Variants in DNAJC24 observed in about 807,000 individuals in gnomAD.
DNAJC24 encodes dnaJ homolog subfamily C member 24.
In DNAJC24, 17 loss-of-function variants were observed where a neutral mutation model predicts 18.0. The ratio of observed to expected loss-of-function variants is 0.94; its 90% CI spans 0.65 to 1.42. The LOEUF is 1.42. DNAJC24 is among the 40% of genes most tolerant of loss of function. The probability of loss-of-function intolerance (pLI) is 0.00; values close to 1 mark genes in which losing one functional copy is unlikely to be tolerated. For missense variants in DNAJC24, 158 were observed against 175.6 expected (o/e 0.90, Z 0.57); for synonymous variants, 55 against 57.7 (o/e 0.95, Z 0.21).
Position 31,430,919 on chromosome 11 carries a change from A to G in DNAJC24, c.*518A>G, listed in dbSNP as rs1952916395. 6.6e-6 allele frequency: 1 copy of G among 152,580 alleles called. No homozygotes were observed. The highest frequency in any genetic ancestry group is 2.4e-5 in the African/African-American group (1 of 41,464). 9.5% of individuals were successfully genotyped at this position (152,580 alleles called of 1,614,324 possible). On this transcript the variant is annotated 3_prime_UTR_variant, in exon 5 of 5. Transcript: ENST00000465995. ...CAAAGTTAATAAAGACAAAGTGGCAACTGTAGAAAGTGTTGCCTCCAATCT... is the reference window on the plus strand; with the variant it reads ...CAAAGTTAATAAAGACAAAGTGGCAGCTGTAGAAAGTGTTGCCTCCAATCT...
At chr11:31,391,525 A>C (rs1449056017) in intron 2 of DNAJC24, among the ~76,000 whole-genome samples, 1 of 152,256 alleles carries the variant, frequency 6.6e-6, no homozygotes, top group East Asian at 1.9e-4. Flanking sequence ...ATCATTGATC[A>C]TCAGTGAAAT....
rs1952907191 is a variant in DNAJC24 at position 31,430,302 on chromosome 11, T to C, written c.351T>C (p.Cys117=). 2 of 1,610,822 alleles carry C rather than the reference T, an allele frequency of 1.2e-6. No homozygotes were observed. The highest frequency in any genetic ancestry group is 2.2e-5 in the South Asian group (2 of 90,648). ...ACTCTTTTTATCTGAGTTGCAGATG[T>C]GGTGGAAAATACAGTGTTTCCAAGG... ...GDHSFYLSCR[C]GGKYSVSKDE... The change falls in exon 5 of 5, where the codon TGT becomes TGC. Residue 117 remains cysteine (C), a synonymous_variant. Coordinates refer to ENST00000465995, the MANE Select transcript of DNAJC24 (RefSeq NM_181706.5).
At chr11:31,418,200 T>A (rs570612387) in intron 3 of DNAJC24, among the ~76,000 whole-genome samples, 1 of 152,258 alleles carries the variant, frequency 6.6e-6, no homozygotes, top group South Asian at 2.1e-4. Flanking sequence ...AGTGTTCCCC[T>A]GAAAGGCATG....
At chr11:31,402,214 C>G (rs952981690) in intron 2 of DNAJC24, among the ~76,000 whole-genome samples, 1 of 152,090 alleles carries the variant, frequency 6.6e-6, no homozygotes, top group Non-Finnish European at 1.5e-5. Context: ...AGTTGTAACA[C>G]AGTGGTATTT....
chr11:31,381,028 A>G lies in DNAJC24; in HGVS notation c.111+10169A>G, dbSNP rs551228586. On this transcript the variant is annotated intron_variant, in intron 2 of 4. Coordinates refer to ENST00000465995, the MANE Select transcript of DNAJC24 (RefSeq NM_181706.5). ...CTTTCAACCAAAATGTTTTGTAAGA[A>G]GTCTGATTAGTGCATTTGGGTATGT... Among the ~76,000 whole-genome samples the G allele has an allele frequency of 3.3e-5, 5 of 152,280 alleles. No homozygotes were observed. The South Asian group carries it at 1.0e-3, about 32-fold the overall frequency.
intron 2 of DNAJC24, among the ~76,000 whole-genome samples, chr11:31,371,443 T>C (rs1250861697): frequency 1.3e-5 from 2 of 152,238 alleles, no homozygotes; most frequent in Non-Finnish European, 2.9e-5. Context: ...CTAATTTTCA[T>C]ATCTAGCATT....
At chr11:31,390,849 T>G (rs999707480) in intron 2 of DNAJC24, among the ~76,000 whole-genome samples, 4 of 152,018 alleles carry the variant, frequency 2.6e-5, no homozygotes, top group Non-Finnish European at 5.9e-5. Flanking sequence ...GAGAAAATAC[T>G]TCAAAATTCG....
In DNAJC24 at chr11:31,432,393, A is replaced by T; in HGVS notation, c.*1992A>T. 1 of 736,292 alleles carries T rather than the reference A, an allele frequency of 1.4e-6. No homozygotes were observed. Among genetic ancestry groups the T allele is most frequent in the Admixed American group, 2.5e-5 (1 of 40,228 alleles). The allele number at this position is 736,292 out of a possible 1,614,324, so 45.6% of individuals were successfully genotyped here. On this transcript the variant is annotated 3_prime_UTR_variant, in exon 5 of 5. Transcript: ENST00000465995. The stretch of plus-strand genomic sequence containing the variant: ...TCTTTACATTTAACAATTAAAAACA[A>T]CTAAAACTGAATAGCAAATAGTTTA...
At chr11:31,393,810 T>C (rs1040004472) in intron 2 of DNAJC24, among the ~76,000 whole-genome samples, 5 of 152,172 alleles carry the variant, frequency 3.3e-5, no homozygotes, top group Non-Finnish European at 5.9e-5. Context: ...TTGTAATATA[T>C]ATTTATATTA....
chr11:31,428,601 T>C (rs1274206108), intron 4 of DNAJC24, among the ~76,000 whole-genome samples: 1 of 152,138 alleles, frequency 6.6e-6, no homozygotes, highest in East Asian at 1.9e-4. Context: ...AGGATAGACA[T>C]AGCCAAATTG....
At chr11:31,422,415 G>T (rs2034522) in intron 3 of DNAJC24, among the ~76,000 whole-genome samples, 1 of 152,052 alleles carries the variant, frequency 6.6e-6, no homozygotes, top group Non-Finnish European at 1.5e-5. Flanking sequence ...CCGAATGGCC[G>T]TATTTTGTTT....
At chr11:31,430,086 G>A (rs940664360) in intron 4 of DNAJC24, among the ~76,000 whole-genome samples, 185 bp from the exon 5 acceptor site, 8 of 152,054 alleles carry the variant, frequency 5.3e-5, no homozygotes, top group African/African-American at 1.9e-4. Context: ...AGATTCTTTG[G>A]TAGATAATTT....
At chr11:31,405,529 G>A (rs1952648962) in intron 2 of DNAJC24, among the ~76,000 whole-genome samples, 1 of 152,056 alleles carries the variant, frequency 6.6e-6, no homozygotes, top group African/African-American at 2.4e-5. Flanking sequence ...CCAGGCTGGA[G>A]TATAGTGGTA....
Position 31,374,978 on chromosome 11 carries a change from A to G in DNAJC24, c.111+4119A>G, listed in dbSNP as rs1214615958. Among the ~76,000 whole-genome samples the G allele has an allele frequency of 3.0e-5, 4 of 133,862 alleles. No homozygotes were observed. In the East Asian group the frequency reaches 5.8e-4, roughly 20 times the overall value. 87.8% of individuals were successfully genotyped at this position (133,862 alleles called of 152,430 possible). ...ACACATTTATGCCTTTTTTTAAAAA[A>G]TTATTATTCCTTTTCTGTTACTATC... On this transcript the variant is annotated intron_variant, in intron 2 of 4. Coordinates refer to ENST00000465995, the MANE Select transcript of DNAJC24 (RefSeq NM_181706.5).
intron 2 of DNAJC24, among the ~76,000 whole-genome samples, chr11:31,391,665 T>C (rs1195997363): frequency 1.3e-5 from 2 of 152,168 alleles, no homozygotes; most frequent in Non-Finnish European, 2.9e-5. Flanking sequence ...GGAATTAAAT[T>C]AGTGCAACCA....
intron 2 of DNAJC24, among the ~76,000 whole-genome samples, chr11:31,391,064 A>G (rs80329799): frequency 2.0e-5 from 3 of 152,312 alleles, no homozygotes; most frequent in East Asian, 1.9e-4. Flanking sequence ...AGATCAATCA[A>G]TGTGATCCAT....
At chr11:31,424,398 C>T (rs1952840140) in intron 3 of DNAJC24, among the ~76,000 whole-genome samples, 1 of 152,110 alleles carries the variant, frequency 6.6e-6, no homozygotes, top group Admixed American at 6.6e-5. Flanking sequence ...TGTTTAATCT[C>T]CCAATTCTAG....
At chr11:31,404,684 A>C (rs1338587070) in intron 2 of DNAJC24, among the ~76,000 whole-genome samples, 9 of 152,326 alleles carry the variant, frequency 5.9e-5, no homozygotes, top group Non-Finnish European at 1.0e-4. Context: ...AATAGTGATT[A>C]TTAGACTCAT....
intron 2 of DNAJC24, among the ~76,000 whole-genome samples, chr11:31,405,604 A>T (rs1336200209): frequency 6.6e-6 from 1 of 151,862 alleles, no homozygotes; most frequent in Non-Finnish European, 1.5e-5. Context: ...CAGCCTCCAG[A>T]GTAACTGGGA....
Sources: gnomAD v4.1 joint callset for allele counts (sites outside exome capture counted in the v4.1 genomes callset) on GRCh38, gnomAD v4.1.1 for gene constraint, MANE v1.5 for transcripts, NCBI Gene and HGNC (gene_info 2026-07-23, HGNC 2026-07-21) for gene names.